NPAS3: variants seen among roughly 807,000 people sequenced by gnomAD.
NPAS3 encodes neuronal PAS domain protein 3, also known as neuronal PAS domain-containing protein 3.
NPAS3 carries 14 observed loss-of-function variants against 73.1 expected under a neutral mutation model. That is an observed-to-expected ratio of 0.19 (90% CI 0.13 to 0.30). The LOEUF is 0.30. Ranked by LOEUF, NPAS3 falls within the 10% of genes least tolerant of loss-of-function variation. The pLI is 1.00. For synonymous variants in NPAS3, 620 were observed against 541.5 expected (o/e 1.14, Z -2.01); for missense variants, 1,096 against 1,250.0 (o/e 0.88, Z 1.86).
chr14:33,148,556 G>T (rs929301297), intron 2 of NPAS3, among the ~76,000 whole-genome samples: 9 of 152,106 alleles, frequency 5.9e-5, no homozygotes, highest in Admixed American at 5.9e-4. Context: ...TAATTGTGAT[G>T]ACAATATTTT....
At chr14:33,577,917 C>A (rs1214702190) in intron 5 of NPAS3, among the ~76,000 whole-genome samples, 4 of 150,164 alleles carry the variant, frequency 2.7e-5, no homozygotes, top group African/African-American at 9.7e-5. Flanking sequence ...AACGAATCCT[C>A]CCCCCAATTC....
At chr14:33,015,660 TCA>T (rs150857198) in intron 1 of NPAS3, among the ~76,000 whole-genome samples, 1 of 152,280 alleles carries the variant, frequency 6.6e-6, no homozygotes, top group African/African-American at 2.4e-5. Context: ...CATGCAGTAC[TCA>T]CACATATATA....
intron 3 of NPAS3, among the ~76,000 whole-genome samples, chr14:33,314,109 T>G (rs1566787526): frequency 6.6e-6 from 1 of 152,062 alleles, no homozygotes; most frequent in Non-Finnish European, 1.5e-5. Context: ...TAGACCACTT[T>G]GTAAATAAAT....
intron 4 of NPAS3, among the ~76,000 whole-genome samples, chr14:33,371,890 C>T (rs548834831): frequency 7.9e-5 from 12 of 152,168 alleles, no homozygotes; most frequent in South Asian, 4.1e-4. Flanking sequence ...GCTATGATTA[C>T]GTGCATCTTA....
At chr14:33,190,765 C>T (rs1028100707) in intron 2 of NPAS3, among the ~76,000 whole-genome samples, 5 of 152,180 alleles carry the variant, frequency 3.3e-5, no homozygotes, top group African/African-American at 1.2e-4. Flanking sequence ...GGCGCTCCCC[C>T]TACTCACTGC....
chr14:33,443,486 A>G (rs2049342711), intron 4 of NPAS3, among the ~76,000 whole-genome samples: 1 of 152,206 alleles, frequency 6.6e-6, no homozygotes, highest in African/African-American at 2.4e-5. Context: ...AAAGAGCACC[A>G]GTAGGGAATC....
At chr14:33,599,142 T>C (rs2057329239) in intron 5 of NPAS3, among the ~76,000 whole-genome samples, 1 of 152,198 alleles carries the variant, frequency 6.6e-6, no homozygotes, top group South Asian at 2.1e-4. Flanking sequence ...TATTTTTGCA[T>C]GTCCGTGTAT....
chr14:33,554,679 C>CTACT, intron 4 of NPAS3, among the ~76,000 whole-genome samples: 1 of 152,242 alleles, frequency 6.6e-6, no homozygotes, highest in Non-Finnish European at 1.5e-5. Context: ...AAAGAAAGAA[C>CTACT]TACTAATTTC....
At chr14:33,086,926 G>A (rs2042043838) in intron 2 of NPAS3, among the ~76,000 whole-genome samples, 1 of 151,922 alleles carries the variant, frequency 6.6e-6, no homozygotes, top group Non-Finnish European at 1.5e-5. Flanking sequence ...CCCAAGAGAT[G>A]GGGCCAGGGC....
In NPAS3 at chr14:33,698,570, T is replaced by TA. The variant is rs1595461370; in HGVS notation, c.733+22188dup. Among the ~76,000 whole-genome samples, 3 of 152,182 alleles carry TA rather than the reference T, an allele frequency of 2.0e-5. No individual in the cohort carries two copies. In the South Asian group the frequency reaches 6.2e-4, roughly 32 times the overall value. ...GAAGATAAATCACATTTTTGGAACT[T>TA]AAACACTTTCTCATCATTCCACATC... is the stretch of plus-strand genomic sequence containing the variant. On this transcript the variant is annotated intron_variant, in intron 6 of 11. Transcript: ENST00000356141.
At chr14:33,743,610 A>AT (rs1481960885) in intron 7 of NPAS3, among the ~76,000 whole-genome samples, 1 of 152,220 alleles carries the variant, frequency 6.6e-6, no homozygotes, top group Non-Finnish European at 1.5e-5. Flanking sequence ...CACCAGCTTC[A>AT]TTAGCTCCTT....
chr14:33,242,143 T>G (rs191626092), intron 3 of NPAS3, among the ~76,000 whole-genome samples: 35 of 152,072 alleles, frequency 2.3e-4, no homozygotes, highest in Admixed American at 2.1e-3. Context: ...TGCTCAACCT[T>G]TTGGTGAAGA....
At chr14:33,578,183 C>A (rs889011632) in intron 5 of NPAS3, 26 of 455,810 alleles carry the variant, frequency 5.7e-5, no homozygotes, top group Non-Finnish European at 9.7e-5. Context: ...GATGAACTAC[C>A]AACACCTTTG....
intron 3 of NPAS3, among the ~76,000 whole-genome samples, chr14:33,318,919 A>G (rs2043320671): frequency 6.6e-6 from 1 of 152,118 alleles, no homozygotes. Context: ...TGTACTGTGC[A>G]CATTAATTTT....
chr14:33,563,742 T>C (rs1054828264), intron 5 of NPAS3, among the ~76,000 whole-genome samples: 2 of 152,100 alleles, frequency 1.3e-5, no homozygotes, highest in African/African-American at 4.8e-5. Flanking sequence ...AGAGACTGAA[T>C]AACTTGTTAT....
intron 1 of NPAS3, among the ~76,000 whole-genome samples, chr14:33,014,991 T>C (rs1374290972): frequency 1.3e-5 from 2 of 152,218 alleles, no homozygotes; most frequent in Non-Finnish European, 2.9e-5. Context: ...CTCCAGATAC[T>C]GGCAGTAGTC....
chr14:33,024,359 A>G (rs557228418), intron 1 of NPAS3, among the ~76,000 whole-genome samples: 1 of 151,954 alleles, frequency 6.6e-6, no homozygotes, highest in East Asian at 1.9e-4. Flanking sequence ...TTTAGTAGAG[A>G]AGGGGTTTTT....
chr14:33,303,949 C>T (rs1354755912), intron 3 of NPAS3, among the ~76,000 whole-genome samples: 1 of 152,104 alleles, frequency 6.6e-6, no homozygotes, highest in African/African-American at 2.4e-5. Context: ...GCTCTGTTGC[C>T]CAGGCTGGAG....
chr14:33,615,726 G>A (rs185766931), intron 5 of NPAS3, among the ~76,000 whole-genome samples: 5 of 152,232 alleles, frequency 3.3e-5, no homozygotes, highest in African/African-American at 9.6e-5. Context: ...CCTAGTACAC[G>A]TTTAGATCTT....
Sources: gnomAD v4.1 joint callset for allele counts (sites outside exome capture counted in the v4.1 genomes callset) on GRCh38, gnomAD v4.1.1 for gene constraint, MANE v1.5 for transcripts, NCBI Gene and HGNC (gene_info 2026-07-23, HGNC 2026-07-21) for gene names.